The following PLA2G4A variants were observed in gnomAD, a reference collection of about 807,000 sequenced individuals.
PLA2G4A encodes phospholipase A2 group IVA, also known as cytosolic phospholipase A2.
PLA2G4A carries 40 observed loss-of-function variants against 81.9 expected under a neutral mutation model. The observed-to-expected ratio is 0.49, with a 90% CI of 0.38 to 0.64. The LOEUF (loss-of-function observed/expected upper bound fraction) is 0.64, where lower values mean the gene tolerates loss of function less well. Ranked by LOEUF, PLA2G4A falls within the 30% of genes least tolerant of loss-of-function variation. The probability of loss-of-function intolerance (pLI) is 0.00; values close to 1 mark genes in which losing one functional copy is unlikely to be tolerated. For missense variants in PLA2G4A, 715 were observed against 905.1 expected, an observed-to-expected ratio of 0.79 and a Z score of 2.69; for synonymous variants, 302 against 296.9, an observed-to-expected ratio of 1.02 and a Z score of -0.18.
chr1:186,916,765 T>C (rs1382536891), intron 7 of PLA2G4A, among the ~76,000 whole-genome samples: 1 of 152,200 alleles, frequency 6.6e-6, no homozygotes, highest in African/African-American at 2.4e-5. Flanking sequence ...TAGGCATTCA[T>C]AGTAACTATA....
intron 1 of PLA2G4A, among the ~76,000 whole-genome samples, chr1:186,843,309 C>G (rs1016817376): frequency 6.6e-6 from 1 of 152,096 alleles, no homozygotes; most frequent in Non-Finnish European, 1.5e-5. Flanking sequence ...AAGATATATT[C>G]CAGTTTCACA....
chr1:186,855,402 C>CT lies in PLA2G4A; in HGVS notation c.33+1022dup, dbSNP rs557503442. ...CAAGCTCTTCTTTCTGTCTGACTCT[C>CT]TTTTTTTAATAAATTGAGGTATAAT... On this transcript the variant is annotated intron_variant, in intron 2 of 17. Transcript: ENST00000367466. 4.6e-5 allele frequency among the ~76,000 whole-genome samples: 7 copies of CT among 152,014 alleles called. No individual in the cohort carries two copies. In the South Asian group the frequency reaches 1.5e-3, roughly 32 times the overall value.
chr1:186,943,530 C>T (rs1656231520), intron 10 of PLA2G4A, among the ~76,000 whole-genome samples: 1 of 152,096 alleles, frequency 6.6e-6, no homozygotes, highest in South Asian at 2.1e-4. Flanking sequence ...CTAGACCTGA[C>T]ATAAGTGTGT....
intron 5 of PLA2G4A, among the ~76,000 whole-genome samples, chr1:186,901,468 A>T (rs1481535813): frequency 6.6e-6 from 1 of 152,180 alleles, no homozygotes; most frequent in Admixed American, 6.5e-5. Flanking sequence ...AGGCACTTGG[A>T]TCATTTTTGG....
rs60078646 is a variant in PLA2G4A at position 186,912,914 on chromosome 1, T to A, written c.558+1525T>A. Among the ~76,000 whole-genome samples the A allele has an allele frequency of 5.4e-3, 803 of 149,156 alleles. 6 individuals carry two copies. The highest frequency in any genetic ancestry group is 0.019 in the African/African-American group (772 of 40,790). On this transcript the variant is annotated intron_variant, in intron 7 of 17. Transcript: ENST00000367466. ...GTGTTGATTTTATCAATAGGAAAAGTTTAGCCTCAAATATAAAAGGATTAA... is the reference window on the plus strand; with the variant it reads ...GTGTTGATTTTATCAATAGGAAAAGATTAGCCTCAAATATAAAAGGATTAA...
At chr1:186,981,766 A>C (rs1657725985) in intron 17 of PLA2G4A, among the ~76,000 whole-genome samples, 1 of 152,196 alleles carries the variant, frequency 6.6e-6, no homozygotes, top group East Asian at 1.9e-4. Context: ...TCAGGTTTTT[A>C]TAAGAAGATT....
chr1:186,877,697 C>T (rs1286616172), intron 3 of PLA2G4A, among the ~76,000 whole-genome samples: 1 of 92,094 alleles, frequency 1.1e-5, no homozygotes, highest in Non-Finnish European at 1.9e-5. Flanking sequence ...AGGCCTGAGG[C>T]TTACTCACAA....
intron 3 of PLA2G4A, among the ~76,000 whole-genome samples, chr1:186,878,621 G>T (rs986698361): frequency 2.0e-5 from 3 of 151,744 alleles, no homozygotes; most frequent in Non-Finnish European, 4.4e-5. Context: ...TGTTAGTAAG[G>T]CACTGTTGTT....
intron 7 of PLA2G4A, among the ~76,000 whole-genome samples, chr1:186,914,510 G>A (rs1486266083): frequency 1.3e-5 from 2 of 151,020 alleles, no homozygotes; most frequent in African/African-American, 4.9e-5. Flanking sequence ...TCCCTTTTAA[G>A]GGCTCACAAC....
At chr1:186,987,542 T>C (rs977947436) in intron 17 of PLA2G4A, among the ~76,000 whole-genome samples, 1 of 152,226 alleles carries the variant, frequency 6.6e-6, no homozygotes, top group African/African-American at 2.4e-5. Context: ...GGAGTCTTCC[T>C]GATTTTAACA....
chr1:186,958,987 A>G (rs2102262559), intron 14 of PLA2G4A, among the ~76,000 whole-genome samples: 1 of 152,318 alleles, frequency 6.6e-6, no homozygotes, highest in African/African-American at 2.4e-5. Context: ...AATTCAAATT[A>G]AACCGGGCAT....
chr1:186,837,647 G>C (rs570933338), intron 1 of PLA2G4A, among the ~76,000 whole-genome samples: 1 of 147,382 alleles, frequency 6.8e-6, no homozygotes, highest in South Asian at 2.2e-4. Flanking sequence ...TGAGGCAGGA[G>C]AATGGCGTGA....
At chr1:186,859,382 AT>A (rs1010501398) in intron 2 of PLA2G4A, among the ~76,000 whole-genome samples, 1 of 152,074 alleles carries the variant, frequency 6.6e-6, no homozygotes, top group Non-Finnish European at 1.5e-5. Flanking sequence ...GAAGTTTTTT[AT>A]TTTTTTGACC....
intron 15 of PLA2G4A, among the ~76,000 whole-genome samples, chr1:186,976,650 A>G (rs553976918): frequency 7.2e-5 from 11 of 152,282 alleles, no homozygotes; most frequent in Admixed American, 3.3e-4. Flanking sequence ...TTCTCCCACT[A>G]TGATATTCTG....
At chr1:186,983,095 A>AAAAAAAG (rs1553223837) in intron 17 of PLA2G4A, among the ~76,000 whole-genome samples, 71 of 149,206 alleles carry the variant, frequency 4.8e-4, no homozygotes, top group African/African-American at 1.7e-3. Flanking sequence ...AAAAAAAAAA[A>AAAAAAAG]AAAAGAAAAG....
chr1:186,876,273 G>A (rs972746335), intron 3 of PLA2G4A, among the ~76,000 whole-genome samples: 3 of 152,124 alleles, frequency 2.0e-5, no homozygotes, highest in African/African-American at 7.2e-5. Flanking sequence ...ATGTGCAAAT[G>A]TTCAGTTCTT....
At chr1:186,877,289 T>G (rs1316293214) in intron 3 of PLA2G4A, among the ~76,000 whole-genome samples, 1 of 151,990 alleles carries the variant, frequency 6.6e-6, no homozygotes, top group Non-Finnish European at 1.5e-5. Context: ...AGTTGACGTA[T>G]GCAAAGTACT....
At chr1:186,885,157 G>A (rs989906737) in intron 3 of PLA2G4A, among the ~76,000 whole-genome samples, 1 of 152,116 alleles carries the variant, frequency 6.6e-6, no homozygotes, top group African/African-American at 2.4e-5. Flanking sequence ...ATGCCTGACA[G>A]CCAGCACCTT....
intron 3 of PLA2G4A, chr1:186,870,835 C>A (rs773106970): frequency 5.2e-6 from 4 of 769,390 alleles, no homozygotes; most frequent in Non-Finnish European, 8.5e-6. Context: ...AGAGGTTCTG[C>A]CTTCTTCAAA....
Sources: allele counts gnomAD v4.1 joint callset (sites outside exome capture counted in the v4.1 genomes callset), GRCh38; gene constraint gnomAD v4.1.1; transcripts MANE v1.5; gene names NCBI Gene and HGNC (gene_info 2026-07-23, HGNC 2026-07-21).